REEP4: variants seen among roughly 807,000 people sequenced by gnomAD.
The protein encoded by REEP4 is receptor accessory protein 4.
Under a neutral mutation model 33.5 loss-of-function variants are expected in REEP4, and 17 were observed. That is an observed-to-expected ratio of 0.51 (90% CI 0.35 to 0.76). REEP4 has a LOEUF of 0.76. Among genes scored for constraint, REEP4 ranks in the 30% least tolerant of loss-of-function variants. The pLI, the probability that REEP4 is intolerant of heterozygous loss-of-function variation, is 0.01. For missense variants in REEP4, 340 were observed against 357.9 expected, an observed-to-expected ratio of 0.95 and a Z score of 0.40; for synonymous variants, 157 against 142.9, an observed-to-expected ratio of 1.10 and a Z score of -0.70.
intron 5 of REEP4, 109 bp from the exon 6 acceptor site, chr8:22,139,170 C>T (rs765673223): frequency 1.5e-5 from 21 of 1,447,744 alleles, no homozygotes; most frequent in Non-Finnish European, 1.9e-5. Context: ...AAGCTTCTGG[C>T]CCCGCGCCAA....
chr8:22,141,364 C>T (rs1827228086), intron 1 of REEP4, 87 bp downstream of exon 1: 9 of 1,485,818 alleles, frequency 6.1e-6, no homozygotes, highest in Admixed American at 5.9e-5. Flanking sequence ...TCAGAAAGTT[C>T]CTCCTCCCAC....
Position 22,138,186 on chromosome 8 carries a change from AG to A in REEP4, c.*300del. 1 of 602,794 alleles carries A rather than the reference AG, an allele frequency of 1.7e-6. No individual in the cohort carries two copies. The allele number at this position is 602,794 out of a possible 1,614,324, so 37.3% of individuals were successfully genotyped here. Reference sequence around the variant, plus strand: ...CAGGTGGACGTTTGGTTTCATTTGCAGGGGTTCAGGGAGGGTTGCAGGGGTT... The same window carrying A: ...CAGGTGGACGTTTGGTTTCATTTGCAGGGTTCAGGGAGGGTTGCAGGGGTT... On this transcript the variant is annotated 3_prime_UTR_variant, in exon 8 of 8. Coordinates refer to ENST00000306306, the MANE Select transcript of REEP4 (RefSeq NM_025232.4).
At chr8:22,141,199 C>T (rs376008591) in intron 1 of REEP4, among the ~76,000 whole-genome samples, 1 of 152,274 alleles carries the variant, frequency 6.6e-6, no homozygotes, top group Non-Finnish European at 1.5e-5. Context: ...CTGTGGCCCT[C>T]GGCTCCACGC....
In REEP4 at chr8:22,138,496, C is replaced by T. The variant is rs1278682813; in HGVS notation, c.765G>A (p.Val255=). 6.2e-7 allele frequency: 1 copy of T among 1,613,576 alleles called. No individual in the cohort carries two copies. The highest frequency in any genetic ancestry group is 8.5e-7 in the Non-Finnish European group (1 of 1,180,040). Residue 255 remains valine (V), a synonymous_variant, in exon 8 of 8, where the codon GTG becomes GTA. Coordinates refer to ENST00000306306, the MANE Select transcript of REEP4 (RefSeq NM_025232.4). ...GCAGATGCAGCAGACCCTAGCTGTCCACGTCTGAGGGCACAGTCTTTTTCC... is the reference window on the plus strand; with the variant it reads ...GCAGATGCAGCAGACCCTAGCTGTCTACGTCTGAGGGCACAGTCTTTTTCC... ...RTRKKTVPSD[V]DS
rs1827162893 is a variant in REEP4, at chr8:22,138,379, G to A, written c.*108C>T. The A allele has an allele frequency of 2.3e-6, 3 of 1,323,324 alleles. No homozygotes were observed. The highest frequency in any genetic ancestry group is 3.2e-6 in the Non-Finnish European group (3 of 933,522). The allele number at this position is 1,323,324 out of a possible 1,614,324, so 82.0% of individuals were successfully genotyped here. On this transcript the variant is annotated 3_prime_UTR_variant, in exon 8 of 8. Transcript: ENST00000306306. ...CCATCAGCAGGAGTCAGGAGGGTGG[G>A]GCCCAGGCAGCTGGTGCAGGCAGGC...
At chr8:22,139,212 G>GC in intron 5 of REEP4, 151 bp from the exon 6 acceptor site, 1 of 1,119,346 alleles carries the variant, frequency 8.9e-7, no homozygotes, top group African/African-American at 1.5e-5. Flanking sequence ...AAGTCAGAGA[G>GC]CAGGAGCCGC....
rs751821626 is a variant in REEP4, at chr8:22,138,715, G to T, written c.632C>A (p.Pro211Gln). ...TAGGGGCTTCTCTCGGGGCCGGGCT[G>T]GCGCCCGGGGGACTGCCTCAGTATC... is the stretch of plus-strand genomic sequence containing the variant. ...WSDTEAVPRA[P>Q]ARPREKPLIR... is the part of the protein sequence containing the mutation. Residue 211 changes from proline to glutamine, a missense_variant, in exon 7 of 8, where the codon CCA becomes CAA. By Grantham distance (76) the Pro-to-Gln change is moderately conservative. Transcript: ENST00000306306. 1 of 1,612,750 alleles carries T rather than the reference G, an allele frequency of 6.2e-7. No homozygotes were observed. The highest frequency in any genetic ancestry group is 8.5e-7 in the Non-Finnish European group (1 of 1,179,692).
chr8:22,140,340 C>T (rs910532113), intron 2 of REEP4, 92 bp from the exon 3 acceptor site: 3 of 1,294,922 alleles, frequency 2.3e-6, no homozygotes, highest in African/African-American at 2.9e-5. Context: ...GGGAGCCTGT[C>T]CGGCTGCATA....
At chr8:22,139,126 C>T (rs750285825) in intron 5 of REEP4, 65 bp from the exon 6 acceptor site, 12 of 1,544,054 alleles carry the variant, frequency 7.8e-6, no homozygotes, top group East Asian at 6.9e-5. Context: ...AGCTAATCAC[C>T]GGAGCTGAGA....
Position 22,138,171 on chromosome 8 carries a change from T to A in REEP4, c.*316A>T, listed in dbSNP as rs1827157884. 4 of 600,160 alleles carry A rather than the reference T, an allele frequency of 6.7e-6. No individual in the cohort carries two copies. Among genetic ancestry groups the A allele is most frequent in the Non-Finnish European group, 8.9e-6 (3 of 336,042 alleles). 37.2% of individuals were successfully genotyped at this position (600,160 alleles called of 1,614,324 possible). On this transcript the variant is annotated 3_prime_UTR_variant, in exon 8 of 8. Transcript: ENST00000306306. ...AGGAATGAACACACCCAGGTGGACG[T>A]TTGGTTTCATTTGCAGGGGTTCAGG...
In REEP4 at chr8:22,138,537, G is replaced by A. The variant is rs762699982; in HGVS notation, c.724C>T (p.Leu242=). 4 of 1,613,938 alleles carry A rather than the reference G, an allele frequency of 2.5e-6. No homozygotes were observed. In the South Asian group the frequency reaches 4.4e-5, roughly 18 times the overall value. ...PPVREGTSRS[L]KVRTRKKTVP... is the part of the protein sequence containing the mutation. ...GTCTTTTTCCTCGTCCGAACCTTCA[G>A]GGAGCGCGAGGTGCCCTGGGGAAAG... Residue 242 remains leucine (L), a synonymous_variant, in exon 8 of 8, where the codon CTG becomes TTG. Transcript: ENST00000306306.
At position 22,139,956 on chromosome 8, in the gene REEP4, G is replaced by C. The variant is rs551258614; in HGVS notation, c.303+7C>G. 22 of 1,583,340 alleles carry C rather than the reference G, an allele frequency of 1.4e-5. No individual in the cohort carries two copies. Among genetic ancestry groups the C allele is most frequent in the Middle Eastern group, 3.3e-4 (2 of 6,002 alleles). ...TAAGCCTCCCTTCCCGCTTCCCCCT[G>C]GGGTACCTTCTCATGGCGGGACAGG... On this transcript the variant is annotated splice_region_variant and intron_variant, in intron 4 of 7. Coordinates refer to ENST00000306306, the MANE Select transcript of REEP4 (RefSeq NM_025232.4).
chr8:22,139,572 G>A lies in REEP4; in HGVS notation c.304-43C>T, dbSNP rs771570631. 2.1e-5 allele frequency: 31 copies of A among 1,476,668 alleles called. No individual in the cohort carries two copies. In the East Asian group the frequency reaches 7.0e-4, roughly 33 times the overall value. 91.5% of individuals were successfully genotyped at this position (1,476,668 alleles called of 1,614,324 possible). On this transcript the variant is annotated intron_variant, in intron 4 of 7. Transcript: ENST00000306306. ...AGGAGAGCTCAGGTGGACAGCCAGA[G>A]TCCCTCTTCCTCTGCAGATTCTGAG...
At chr8:22,138,832 A>C in intron 6 of REEP4, 39 bp from the exon 7 acceptor site, 1 of 1,567,194 alleles carries the variant, frequency 6.4e-7, no homozygotes, top group South Asian at 1.2e-5. Flanking sequence ...GCCTGCGACC[A>C]GGCCAGCCCT....
At chr8:22,139,690 G>T in intron 4 of REEP4, 161 bp from the exon 5 acceptor site, 1 of 690,636 alleles carries the variant, frequency 1.4e-6, no homozygotes, top group Non-Finnish European at 2.4e-6. Context: ...CAAGAGCAGG[G>T]CTGCCACCCG....
In REEP4 at chr8:22,138,976, T is replaced by A; in HGVS notation, c.503A>T (p.His168Leu). The A allele has an allele frequency of 6.2e-7, 1 of 1,609,192 alleles. No individual in the cohort carries two copies. ...SISDAPAPAY[H>L]DPLYLEDQVS... The stretch of plus-strand genomic sequence containing the variant: ...CTGGTCCTCCAGGTAGAGGGGGTCA[T>A]GGTAGGCAGGGGCAGGTGCGTCAGA... The change falls in exon 6 of 8, where the codon CAT (histidine) becomes CTT (leucine). Residue 168 changes from histidine to leucine, a missense_variant. By Grantham distance (99) the His-to-Leu change is moderately conservative (BLOSUM62 -3). Transcript: ENST00000306306.
At position 22,140,168 on chromosome 8, in the gene REEP4, A is replaced by C; in HGVS notation, c.182+4T>G. 6.2e-7 allele frequency: 1 copy of C among 1,614,086 alleles called. No individual in the cohort carries two copies. Among genetic ancestry groups the C allele is most frequent in the South Asian group, 1.1e-5 (1 of 91,090 alleles). On this transcript the variant is annotated splice_donor_region_variant and intron_variant, in intron 3 of 7. Coordinates refer to ENST00000306306, the MANE Select transcript of REEP4 (RefSeq NM_025232.4). ...CCCATGGCTTGCGGACCCTGCGTCC[A>C]TACCAGGAGATAAAAATGTCTGTAA... is the stretch of plus-strand genomic sequence containing the variant.
chr8:22,139,626 C>T, intron 4 of REEP4, 97 bp from the exon 5 acceptor site: 1 of 1,028,308 alleles, frequency 9.7e-7, no homozygotes, highest in Non-Finnish European at 1.4e-6. Context: ...CCACCCAGCC[C>T]AGCCCAGCCC....
chr8:22,141,428 G>A (rs1000350833), intron 1 of REEP4, 23 bp downstream of exon 1: 2 of 1,601,362 alleles, frequency 1.2e-6, no homozygotes, highest in East Asian at 2.3e-5. Flanking sequence ...GGGTAGAGGA[G>A]GTCTGAGGGC....
Sources: gnomAD v4.1 joint callset for allele counts (sites outside exome capture counted in the v4.1 genomes callset) on GRCh38, gnomAD v4.1.1 for gene constraint, MANE v1.5 for transcripts, NCBI Gene and HGNC (gene_info 2026-07-23, HGNC 2026-07-21) for gene names.